The following GRM1 variants were observed in gnomAD, a reference collection of about 807,000 sequenced individuals.
GRM1 encodes glutamate metabotropic receptor 1.
Under a neutral mutation model 90.9 loss-of-function variants are expected in GRM1, and 33 were observed. That is an observed-to-expected ratio of 0.36 (90% CI 0.28 to 0.49). The LOEUF is 0.49. GRM1 is among the 20% of genes least tolerant of loss of function. The pLI, the probability that GRM1 is intolerant of heterozygous loss-of-function variation, is 0.99. For synonymous variants in GRM1, 700 were observed against 613.2 expected, an observed-to-expected ratio of 1.14 and a Z score of -2.09; for missense variants, 1,190 against 1,534.3, an observed-to-expected ratio of 0.78 and a Z score of 3.75.
At chr6:146,143,689 G>T (rs1456564797) in intron 1 of GRM1, among the ~76,000 whole-genome samples, 9 of 152,032 alleles carry the variant, frequency 5.9e-5, no homozygotes, top group Admixed American at 2.6e-4. Context: ...ACTTGTAAAA[G>T]AAATCATATT....
chr6:146,161,593 T>A (rs1777729617), intron 2 of GRM1, among the ~76,000 whole-genome samples: 1 of 152,114 alleles, frequency 6.6e-6, no homozygotes, highest in Admixed American at 6.6e-5. Flanking sequence ...AGGGAGCTAT[T>A]GTCTCAATGA....
rs1423852103 is a variant in GRM1 at position 146,399,718 on chromosome 6, T to C, written c.2660+19T>C. ...ATGCCAAGTGAGTTATCTGACCTGTTTGTCTCTCTTTTCTCTTCCTTTCTC... is the reference window on the plus strand; with the variant it reads ...ATGCCAAGTGAGTTATCTGACCTGTCTGTCTCTCTTTTCTCTTCCTTTCTC... On this transcript the variant is annotated intron_variant, in intron 7 of 7. Coordinates refer to ENST00000282753, the MANE Select transcript of GRM1 (RefSeq NM_001278064.2). The surrounding 1 kb of genome is among the most constrained non-coding windows in gnomAD (Gnocchi z 5.4). 3 of 1,516,628 alleles carry C rather than the reference T, an allele frequency of 2.0e-6. No homozygotes were observed. The highest frequency in any genetic ancestry group is 2.1e-4 in the Middle Eastern group (1 of 4,822). 93.9% of individuals were successfully genotyped at this position (1,516,628 alleles called of 1,614,324 possible).
chr6:146,229,880 T>C (rs957692653), intron 2 of GRM1, among the ~76,000 whole-genome samples: 1 of 152,200 alleles, frequency 6.6e-6, no homozygotes, highest in Admixed American at 6.6e-5. Context: ...CAGGCATTAT[T>C]TCTAAGATCA....
At chr6:146,295,552 T>C (rs1262628726) in intron 2 of GRM1, among the ~76,000 whole-genome samples, 2 of 152,122 alleles carry the variant, frequency 1.3e-5, no homozygotes, top group Admixed American at 1.3e-4. Context: ...TTTTAACTAT[T>C]CCATATCACT....
intron 2 of GRM1, among the ~76,000 whole-genome samples, chr6:146,248,118 G>C (rs1297209162): frequency 6.6e-6 from 1 of 151,540 alleles, no homozygotes; most frequent in Non-Finnish European, 1.5e-5. Flanking sequence ...TTCCTCCTTT[G>C]CTTCCTCCCT....
intron 6 of GRM1, among the ~76,000 whole-genome samples, chr6:146,397,338 G>A (rs954459157): frequency 2.0e-5 from 3 of 151,714 alleles, no homozygotes; most frequent in Admixed American, 6.6e-5. Context: ...GCCGGGCATG[G>A]TGGCGGGTGC....
chr6:146,189,131 G>A (rs1184566743), intron 2 of GRM1, among the ~76,000 whole-genome samples: 1 of 152,138 alleles, frequency 6.6e-6, no homozygotes, highest in Non-Finnish European at 1.5e-5. Flanking sequence ...GAATTCCAAA[G>A]CTCCTACTTC....
At chr6:146,375,675 T>C (rs1253407136) in intron 5 of GRM1, among the ~76,000 whole-genome samples, 3 of 152,118 alleles carry the variant, frequency 2.0e-5, no homozygotes, top group Non-Finnish European at 4.4e-5. Context: ...CTTATAGTTT[T>C]TGTGTTAAAA....
At chr6:146,292,733 A>AT (rs1305784323) in intron 2 of GRM1, among the ~76,000 whole-genome samples, 1 of 151,966 alleles carries the variant, frequency 6.6e-6, no homozygotes, top group Non-Finnish European at 1.5e-5. Context: ...TAAACATAGA[A>AT]TTACCATATG....
intron 1 of GRM1, among the ~76,000 whole-genome samples, chr6:146,077,686 A>G (rs184682035): frequency 9.8e-5 from 15 of 152,340 alleles, no homozygotes; most frequent in Admixed American, 7.2e-4. Flanking sequence ...CTTAGTGTTT[A>G]TTACCAGGCA....
chr6:146,344,256 C>T (rs796515677), intron 3 of GRM1, among the ~76,000 whole-genome samples: 25 of 152,288 alleles, frequency 1.6e-4, no homozygotes, highest in African/African-American at 5.3e-4. Context: ...AAATTATTAA[C>T]GCATACCCCA....
chr6:146,332,801 A>T (rs1784629598), intron 3 of GRM1, among the ~76,000 whole-genome samples: 3 of 152,120 alleles, frequency 2.0e-5, no homozygotes, highest in Admixed American at 2.0e-4. Context: ...TCCTCCTCAA[A>T]ATCACTTTTT....
intron 2 of GRM1, among the ~76,000 whole-genome samples, chr6:146,206,516 G>A (rs1779498748): frequency 6.6e-6 from 1 of 152,032 alleles, no homozygotes; most frequent in Admixed American, 6.6e-5. Context: ...TGATTAAGAG[G>A]CAGCCTCATT....
rs1331642 is a variant in GRM1, at chr6:146,078,947, G to C, written c.700+48730G>C. Among the ~76,000 whole-genome samples, 1,297 of 152,252 alleles carry C rather than the reference G, an allele frequency of 8.5e-3. 11 individuals carry two copies. Among genetic ancestry groups the C allele is most frequent in the African/African-American group, 0.03 (1,243 of 41,552 alleles). ...ACACTTTGAAGGGTGGGGGAGAATG[G>C]AGTTTATTGGGCAAAAAGGAAAAAT... is the stretch of plus-strand genomic sequence containing the variant. On this transcript the variant is annotated intron_variant, in intron 1 of 7. Transcript: ENST00000282753.
intron 1 of GRM1, among the ~76,000 whole-genome samples, chr6:146,067,537 C>G (rs1171037968): frequency 6.6e-6 from 1 of 151,972 alleles, no homozygotes; most frequent in African/African-American, 2.4e-5. Flanking sequence ...TTATGCTTAT[C>G]TAAGTAGGAA....
chr6:146,278,326 A>G (rs916921889), intron 2 of GRM1, among the ~76,000 whole-genome samples: 1 of 152,220 alleles, frequency 6.6e-6, no homozygotes, highest in African/African-American at 2.4e-5. Flanking sequence ...TACTCCAGGC[A>G]TACTACTGGA....
intron 7 of GRM1, among the ~76,000 whole-genome samples, chr6:146,403,214 A>G (rs764491422): frequency 5.3e-5 from 8 of 152,162 alleles, no homozygotes; most frequent in Non-Finnish European, 1.2e-4. Context: ...GAAAAATTCA[A>G]ATATCATATA....
chr6:146,049,687 C>A (rs1237597609), intron 1 of GRM1, among the ~76,000 whole-genome samples: 1 of 151,282 alleles, frequency 6.6e-6, no homozygotes, highest in Non-Finnish European at 1.5e-5. Flanking sequence ...ATCTATCTAT[C>A]TATCTATCTA....
chr6:146,378,204 G>A (rs1181041333), intron 5 of GRM1, among the ~76,000 whole-genome samples: 1 of 152,180 alleles, frequency 6.6e-6, no homozygotes, highest in Non-Finnish European at 1.5e-5. Context: ...AGGAAAATGT[G>A]GGGGGTGAGC....
Sources: allele counts gnomAD v4.1 joint callset (sites outside exome capture counted in the v4.1 genomes callset), GRCh38; gene constraint gnomAD v4.1.1; non-coding constraint Gnocchi (gnomAD v3.1); transcripts MANE v1.5; gene names NCBI Gene and HGNC (gene_info 2026-07-23, HGNC 2026-07-21).